CFHR4: variants seen among roughly 807,000 people sequenced by gnomAD.
CFHR4 encodes the protein complement factor H-related protein 4.
A neutral mutation model predicts 69.3 loss-of-function variants in CFHR4; 64 were observed. The observed-to-expected ratio is 0.92, with a 90% CI of 0.76 to 1.14. CFHR4 has a LOEUF of 1.14. Among genes scored for constraint, CFHR4 ranks in the 50% most tolerant of loss-of-function variants. The probability of loss-of-function intolerance (pLI) is 0.00; values close to 1 mark genes in which losing one functional copy is unlikely to be tolerated. For synonymous variants in CFHR4, 244 were observed against 237.0 expected (o/e 1.03, Z -0.27); for missense variants, 636 against 684.9 (o/e 0.93, Z 0.80).
intron 7 of CFHR4, among the ~76,000 whole-genome samples, chr1:196,913,289 G>T (rs1658383460): frequency 6.6e-6 from 1 of 151,380 alleles, no homozygotes; most frequent in Admixed American, 6.6e-5. Context: ...TGCATTCCTT[G>T]CTCACACTCA....
intron 1 of CFHR4, among the ~76,000 whole-genome samples, chr1:196,901,632 A>G (rs572642753): frequency 1.3e-5 from 2 of 151,448 alleles, no homozygotes; most frequent in South Asian, 4.2e-4. Context: ...GAATCATCCC[A>G]TGGAAATGGA....
intron 5 of CFHR4, among the ~76,000 whole-genome samples, chr1:196,908,759 T>G (rs1658063904): frequency 6.6e-6 from 1 of 151,586 alleles, no homozygotes; most frequent in Non-Finnish European, 1.5e-5. Flanking sequence ...GATAACTTAT[T>G]CCTGTCACAG....
chr1:196,912,150 C>G (rs1486762197), intron 6 of CFHR4, among the ~76,000 whole-genome samples: 1 of 151,134 alleles, frequency 6.6e-6, no homozygotes, highest in Non-Finnish European at 1.5e-5. Context: ...AAATACATTG[C>G]TAATATATTA....
rs1293445741 is a variant in CFHR4, at chr1:196,905,207, C to T, written c.356C>T (p.Pro119Leu). The T allele has an allele frequency of 3.1e-6, 5 of 1,610,942 alleles. No individual in the cohort carries two copies. The highest frequency in any genetic ancestry group is 4.2e-6 in the Non-Finnish European group (5 of 1,178,764). Reference sequence around the variant, plus strand: ...GAAGAAACACAATATAATTGTAAACCAGGATATGCAACAGCAGAGGGAAAT... The same window carrying T: ...GAAGAAACACAATATAATTGTAAACTAGGATATGCAACAGCAGAGGGAAAT... ...LNEETQYNCK[P>L]GYATAEGNSS... Residue 119 changes from proline to leucine, a missense_variant, in exon 3 of 10, where the codon CCA becomes CTA. Physicochemically the swap from Pro to Leu is moderately conservative, Grantham distance 98. This residue lies in a region of CFHR4 where 529 missense variants were observed against 533.2 expected (regional missense o/e 0.99). Transcript: ENST00000608469.
intron 1 of CFHR4, among the ~76,000 whole-genome samples, chr1:196,889,371 G>T (rs934113702): frequency 6.6e-6 from 1 of 151,388 alleles, no homozygotes; most frequent in Non-Finnish European, 1.5e-5. Flanking sequence ...TTAAAATAAG[G>T]ATTACATAGA....
rs745610475 is a variant in CFHR4 at position 196,907,435 on chromosome 1, C to A, written c.736C>A (p.Leu246Ile). The change falls in exon 5 of 10, where the codon CTT (leucine) becomes ATT (isoleucine). Residue 246 changes from leucine to isoleucine, a missense_variant. Around this residue, in one of 3 missense-constraint regions of CFHR4, gnomAD observed 529 missense variants for 533.2 expected, o/e 0.99. Coordinates refer to ENST00000608469, the MANE Select transcript of CFHR4 (RefSeq NM_001201550.3). ...VEYQCQSYYE[L>I]QGSKYVTCSN... ...GTACCAGTGCCAGTCCTACTATGAA[C>A]TTCAGGGTTCTAAATATGTAACATG... 4 of 1,611,972 alleles carry A rather than the reference C, an allele frequency of 2.5e-6. No individual in the cohort carries two copies. The highest frequency in any genetic ancestry group is 2.5e-6 in the Non-Finnish European group (3 of 1,179,172).
At chr1:196,914,757 A>T (rs1359518696) in intron 8 of CFHR4, 86 bp downstream of exon 8, 19 of 1,405,222 alleles carry the variant, frequency 1.4e-5, no homozygotes, top group Admixed American at 2.7e-5. Flanking sequence ...ATGTGTGTAC[A>T]TATATGTACA....
intron 1 of CFHR4, among the ~76,000 whole-genome samples, chr1:196,892,472 G>A (rs563470795): frequency 6.6e-6 from 1 of 151,388 alleles, no homozygotes; most frequent in Non-Finnish European, 1.5e-5. Context: ...CACCACAAAT[G>A]CAGAAGTTCA....
chr1:196,891,456 C>T (rs897097714), intron 1 of CFHR4, among the ~76,000 whole-genome samples: 5 of 151,168 alleles, frequency 3.3e-5, no homozygotes, highest in African/African-American at 9.8e-5. Context: ...AGCTGTCATG[C>T]GTCACCCAAC....
Position 196,907,303 on chromosome 1 carries a change from T to C in CFHR4, c.617-13T>C. ...CTGTTGATTTTTCCCCAATGTAAAG[T>C]ATTTTTTTTCAGATTCTTCAGAAAA... On this transcript the variant is annotated splice_polypyrimidine_tract_variant and intron_variant, in intron 4 of 9. Coordinates refer to ENST00000608469, the MANE Select transcript of CFHR4 (RefSeq NM_001201550.3). 1 of 1,602,206 alleles carries C rather than the reference T, an allele frequency of 6.2e-7. No individual in the cohort carries two copies. The highest frequency in any genetic ancestry group is 1.1e-5 in the South Asian group (1 of 90,806).
chr1:196,918,174 A>G (rs775575271), intron 9 of CFHR4, 36 bp from the exon 10 acceptor site: 14 of 1,586,308 alleles, frequency 8.8e-6, no homozygotes, highest in African/African-American at 1.4e-5. Context: ...GAAAGGCAAG[A>G]TTATGATTGT....
intron 6 of CFHR4, among the ~76,000 whole-genome samples, chr1:196,910,912 C>T (rs926538471): frequency 5.9e-5 from 9 of 151,324 alleles, no homozygotes; most frequent in South Asian, 2.1e-4. Context: ...GTCTTTAGGA[C>T]AATGTATTCT....
Position 196,894,377 on chromosome 1 carries a change from CAT to C in CFHR4, c.58+6170_58+6171del, listed in dbSNP as rs374675303. Among the ~76,000 whole-genome samples the C allele has an allele frequency of 4.6e-4, 69 of 151,478 alleles. 2 individuals are homozygous for C. The South Asian group carries it at 0.014, about 31-fold the overall frequency. On this transcript the variant is annotated intron_variant, in intron 1 of 9. Coordinates refer to ENST00000608469, the MANE Select transcript of CFHR4 (RefSeq NM_001201550.3). Reference sequence around the variant, plus strand: ...ATAATGCTAGCCTTTTTAAATTGCCCATGTATTTACCTTTATTGAGGTCATTA... The same window carrying C: ...ATAATGCTAGCCTTTTTAAATTGCCCGTATTTACCTTTATTGAGGTCATTA...
chr1:196,912,668 T>G, intron 6 of CFHR4, 72 bp from the exon 7 acceptor site: 1 of 1,432,024 alleles, frequency 7.0e-7, no homozygotes, highest in Non-Finnish European at 9.3e-7. Context: ...ATTGCCATGT[T>G]TTTACTTGTT....
intron 4 of CFHR4, 93 bp downstream of exon 4, chr1:196,907,130 G>A (rs746259829): frequency 3.0e-5 from 38 of 1,273,840 alleles, no homozygotes; most frequent in Non-Finnish European, 3.7e-5. Flanking sequence ...GAATACATAT[G>A]TGTACATATA....
In CFHR4 at chr1:196,912,798, T is replaced by C. The variant is rs766587687; in HGVS notation, c.1056T>C (p.Ser352=). ...IENGFISESS[S]IYILNKEIQY... Reference sequence around the variant, plus strand: ...ATGGATTCATTTCTGAATCTTCCTCTATTTATATTTTAAATAAAGAAATAC... The same window carrying C: ...ATGGATTCATTTCTGAATCTTCCTCCATTTATATTTTAAATAAAGAAATAC... The change falls in exon 7 of 10, where the codon TCT becomes TCC. Residue 352 remains serine, a synonymous_variant. Coordinates refer to ENST00000608469, the MANE Select transcript of CFHR4 (RefSeq NM_001201550.3). 3.1e-6 allele frequency: 5 copies of C among 1,598,664 alleles called. No homozygotes were observed. The highest frequency in any genetic ancestry group is 3.4e-5 in the Admixed American group (2 of 59,440).
chr1:196,910,531 A>C, intron 6 of CFHR4, 53 bp downstream of exon 6: 2 of 1,411,618 alleles, frequency 1.4e-6, no homozygotes, highest in Non-Finnish European at 2.0e-6. Flanking sequence ...AAGAATGGAG[A>C]GAGAAGAGCA....
At chr1:196,908,892 C>G (rs1658074359) in intron 5 of CFHR4, among the ~76,000 whole-genome samples, 1 of 151,220 alleles carries the variant, frequency 6.6e-6, no homozygotes, top group Non-Finnish European at 1.5e-5. Flanking sequence ...TACCTTTTAC[C>G]TTTTATATTG....
chr1:196,891,845 C>T (rs564133367), intron 1 of CFHR4, among the ~76,000 whole-genome samples: 29 of 150,996 alleles, frequency 1.9e-4, no homozygotes, highest in African/African-American at 6.8e-4. Context: ...TATGTATATT[C>T]GTGTGTGGAC....
Sources: allele counts gnomAD v4.1 joint callset (sites outside exome capture counted in the v4.1 genomes callset), GRCh38; gene constraint gnomAD v4.1.1; regional missense constraint gnomAD v4.1.1; transcripts MANE v1.5; gene names NCBI Gene and HGNC (gene_info 2026-07-23, HGNC 2026-07-21).